MAP2K4: variants seen among roughly 807,000 people sequenced by gnomAD.
MAP2K4 encodes the protein mitogen-activated protein kinase kinase 4.
MAP2K4 carries 4 observed loss-of-function variants against 48.5 expected under a neutral mutation model. The observed-to-expected ratio is 0.08, with a 90% CI of 0.04 to 0.19. The LOEUF is 0.19. MAP2K4 is among the 10% of genes least tolerant of loss of function. The pLI is 1.00. For missense variants in MAP2K4, 258 were observed against 493.3 expected (o/e 0.52, Z 4.52); for synonymous variants, 166 against 173.1 (o/e 0.96, Z 0.32).
chr17:12,118,171 C>T (rs560822855), intron 7 of MAP2K4, among the ~76,000 whole-genome samples: 10 of 152,164 alleles, frequency 6.6e-5, no homozygotes, highest in South Asian at 4.2e-4. Context: ...TTGATGAATT[C>T]GCCAGGGTTA....
intron 1 of MAP2K4, among the ~76,000 whole-genome samples, chr17:12,023,540 A>G (rs1969162223): frequency 6.6e-6 from 1 of 152,206 alleles, no homozygotes; most frequent in African/African-American, 2.4e-5. Flanking sequence ...GTTAATGACC[A>G]TGCTCTCTGA....
chr17:12,111,978 T>C (rs897273376), intron 6 of MAP2K4, among the ~76,000 whole-genome samples: 2 of 151,914 alleles, frequency 1.3e-5, no homozygotes, highest in African/African-American at 2.4e-5. Flanking sequence ...CTGTAGGGAG[T>C]ATGGAAACTT....
At chr17:12,126,810 C>T (rs1386450444) in intron 8 of MAP2K4, among the ~76,000 whole-genome samples, 1 of 152,188 alleles carries the variant, frequency 6.6e-6, no homozygotes. Flanking sequence ...TGCTGTTCTA[C>T]CAGGACTTGC....
chr17:12,138,217 C>T (rs1446971381), intron 9 of MAP2K4, among the ~76,000 whole-genome samples: 1 of 150,718 alleles, frequency 6.6e-6, no homozygotes. Context: ...TGCTTTGATC[C>T]TTGAATGGTG....
At chr17:12,032,242 T>C (rs1475844405) in intron 1 of MAP2K4, 4 of 1,379,592 alleles carry the variant, frequency 2.9e-6, no homozygotes, top group Admixed American at 2.7e-5. Context: ...GTAAATGAAC[T>C]GGAACTTATC....
At position 12,123,630 on chromosome 17, in the gene MAP2K4, G is replaced by A. The variant is rs1280920146; in HGVS notation, c.814-1664G>A. On this transcript the variant is annotated intron_variant, in intron 7 of 10. Transcript: ENST00000353533. ...ATTCTTTAAGCTATAAAGTAGGTTT[G>A]ATTTGAGATGTCTTCTCTTCTAATG... Among the ~76,000 whole-genome samples, 3 of 151,854 alleles carry A rather than the reference G, an allele frequency of 2.0e-5. No individual in the cohort carries two copies. The East Asian group carries it at 5.8e-4, about 29-fold the overall frequency.
intron 4 of MAP2K4, among the ~76,000 whole-genome samples, chr17:12,098,531 A>G (rs1597464974): frequency 1.3e-5 from 2 of 151,668 alleles, no homozygotes; most frequent in African/African-American, 4.8e-5. Context: ...TTTCATATAT[A>G]TGTAAGTAAT....
At chr17:12,058,643 A>T (rs1970357562) in intron 2 of MAP2K4, among the ~76,000 whole-genome samples, 1 of 152,206 alleles carries the variant, frequency 6.6e-6, no homozygotes, top group African/African-American at 2.4e-5. Context: ...AGTTAATAGC[A>T]TGGCCAATGT....
intron 9 of MAP2K4, among the ~76,000 whole-genome samples, chr17:12,132,760 TAGAA>T (rs28922568): frequency 0.2 from 31,092 of 151,886 alleles, 4,110 homozygotes; most frequent in Non-Finnish European, 0.28. Flanking sequence ...GAAAGTTTAT[TAGAA>T]AGAAAGTATG....
Position 12,106,836 on chromosome 17 carries a change from C to G in MAP2K4, c.514-954C>G, listed in dbSNP as rs1346964854. On this transcript the variant is annotated intron_variant, in intron 4 of 10. Transcript: ENST00000353533. ...ATTTTTTCATGACTCATGCATCTCTCTCATGAACTGTATTCATTTTCAAAA... is the reference window on the plus strand; with the variant it reads ...ATTTTTTCATGACTCATGCATCTCTGTCATGAACTGTATTCATTTTCAAAA... 1.3e-5 allele frequency among the ~76,000 whole-genome samples: 2 copies of G among 151,992 alleles called. 1 individual carries two copies. The highest frequency in any genetic ancestry group is 2.9e-5 in the Non-Finnish European group (2 of 67,984).
chr17:12,050,357 A>C (rs1567633490), intron 1 of MAP2K4, among the ~76,000 whole-genome samples: 1 of 152,240 alleles, frequency 6.6e-6, no homozygotes, highest in East Asian at 1.9e-4. Context: ...AGATAGTTAA[A>C]AATTTAAAGC....
intron 3 of MAP2K4, among the ~76,000 whole-genome samples, chr17:12,088,122 A>G (rs1255142644): frequency 1.3e-5 from 2 of 152,072 alleles, no homozygotes; most frequent in African/African-American, 4.8e-5. Context: ...AATTCTGGAC[A>G]TTTTTGCTGG....
chr17:12,067,400 A>G (rs572552645), intron 2 of MAP2K4, among the ~76,000 whole-genome samples: 1 of 152,180 alleles, frequency 6.6e-6, no homozygotes, highest in South Asian at 2.1e-4. Flanking sequence ...AGATTGGAAA[A>G]TTCTTTGTTG....
chr17:12,087,491 A>G (rs1411495092), intron 3 of MAP2K4, among the ~76,000 whole-genome samples: 2 of 152,290 alleles, frequency 1.3e-5, no homozygotes, highest in South Asian at 4.1e-4. Context: ...AGCTCTTCCC[A>G]TAATGTAATA....
intron 7 of MAP2K4, among the ~76,000 whole-genome samples, chr17:12,117,160 A>C (rs1217628228): frequency 6.6e-6 from 1 of 152,216 alleles, no homozygotes; most frequent in Non-Finnish European, 1.5e-5. Flanking sequence ...TAAACACTTC[A>C]GTGCATATCT....
At chr17:12,127,972 CT>C (rs373368083) in intron 8 of MAP2K4, among the ~76,000 whole-genome samples, 25 of 152,210 alleles carry the variant, frequency 1.6e-4, no homozygotes, top group African/African-American at 6.0e-4. Context: ...TGTTTGGAGC[CT>C]CATCCTCATG....
chr17:12,136,473 CTT>C (rs1480313249), intron 9 of MAP2K4, among the ~76,000 whole-genome samples: 1 of 152,164 alleles, frequency 6.6e-6, no homozygotes, highest in African/African-American at 2.4e-5. Flanking sequence ...CCCAATAAAA[CTT>C]TTTGAGATGC....
At chr17:12,048,155 AC>A (rs1970025359) in intron 1 of MAP2K4, among the ~76,000 whole-genome samples, 1 of 152,194 alleles carries the variant, frequency 6.6e-6, no homozygotes, top group Admixed American at 6.5e-5. Flanking sequence ...GGCATGAGTC[AC>A]CATGTCTGGC....
chr17:12,034,659 C>T (rs1021649780), intron 1 of MAP2K4, among the ~76,000 whole-genome samples: 1 of 152,202 alleles, frequency 6.6e-6, no homozygotes, highest in Non-Finnish European at 1.5e-5. Context: ...GTTTAGTGGA[C>T]TAGAGTTGAT....
Sources: gnomAD v4.1 joint callset for allele counts (sites outside exome capture counted in the v4.1 genomes callset) on GRCh38, gnomAD v4.1.1 for gene constraint, MANE v1.5 for transcripts, NCBI Gene and HGNC (gene_info 2026-07-23, HGNC 2026-07-21) for gene names.